SPOCK3: variants seen among roughly 807,000 people sequenced by gnomAD.
SPOCK3 encodes SPARC (osteonectin), cwcv and kazal like domains proteoglycan 3, also known as testican-3.
A neutral mutation model predicts 56.6 loss-of-function variants in SPOCK3; 30 were observed. The ratio of observed to expected loss-of-function variants is 0.53; its 90% CI spans 0.40 to 0.72. SPOCK3 has a LOEUF of 0.72. Among genes scored for constraint, SPOCK3 ranks in the 30% least tolerant of loss-of-function variants. SPOCK3 has a pLI of 0.00. For synonymous variants in SPOCK3, 196 were observed against 183.3 expected (o/e 1.07, Z -0.56); for missense variants, 527 against 530.0 (o/e 0.99, Z 0.06).
chr4:166,850,417 G>T (rs1167783458), intron 6 of SPOCK3, among the ~76,000 whole-genome samples: 6 of 152,196 alleles, frequency 3.9e-5, no homozygotes, highest in Non-Finnish European at 8.8e-5. Flanking sequence ...TTCTGGATTT[G>T]GAAGGACTCT....
At chr4:167,025,739 C>CGT (rs770319551) in intron 3 of SPOCK3, among the ~76,000 whole-genome samples, 36 of 152,020 alleles carry the variant, frequency 2.4e-4, no homozygotes, top group Non-Finnish European at 4.4e-4. Context: ...ATCATTCTTA[C>CGT]ATTTTAAAAA....
At chr4:167,031,880 A>C (rs2150182561) in intron 3 of SPOCK3, among the ~76,000 whole-genome samples, 1 of 152,104 alleles carries the variant, frequency 6.6e-6, no homozygotes, top group Non-Finnish European at 1.5e-5. Flanking sequence ...TCAGTTCTTT[A>C]GGGTTTTGTA....
At chr4:166,921,801 CTA>C (rs1244781097) in intron 4 of SPOCK3, among the ~76,000 whole-genome samples, 1 of 152,174 alleles carries the variant, frequency 6.6e-6, no homozygotes, top group Non-Finnish European at 1.5e-5. Flanking sequence ...CATAAATGTT[CTA>C]TGAACTGAAT....
chr4:166,931,759 A>G (rs1382818410), intron 4 of SPOCK3, among the ~76,000 whole-genome samples: 1 of 152,102 alleles, frequency 6.6e-6, no homozygotes, highest in African/African-American at 2.4e-5. Flanking sequence ...TCTAATTCTG[A>G]TTTTAGGACA....
intron 2 of SPOCK3, among the ~76,000 whole-genome samples, chr4:167,168,989 C>G (rs1330764709): frequency 6.6e-6 from 1 of 152,184 alleles, no homozygotes; most frequent in African/African-American, 2.4e-5. Flanking sequence ...AGCCCCAAGC[C>G]TTGGCAGCTT....
chr4:166,791,880 A>G (rs927041754), intron 7 of SPOCK3, among the ~76,000 whole-genome samples: 1 of 151,978 alleles, frequency 6.6e-6, no homozygotes, highest in Admixed American at 6.6e-5. Flanking sequence ...ATGTTGTTCT[A>G]CTCTTTACCA....
At chr4:166,873,569 C>T (rs977531425) in intron 6 of SPOCK3, among the ~76,000 whole-genome samples, 1 of 152,008 alleles carries the variant, frequency 6.6e-6, no homozygotes, top group African/African-American at 2.4e-5. Context: ...AACTGCGGCA[C>T]AAATAAAGCC....
chr4:166,989,509 G>A (rs1001340659), intron 4 of SPOCK3, among the ~76,000 whole-genome samples: 7 of 152,014 alleles, frequency 4.6e-5, no homozygotes, highest in Non-Finnish European at 7.4e-5. Context: ...TGTCTTATGT[G>A]CTACAGCTTT....
At chr4:166,842,631 C>T (rs1236105888) in intron 6 of SPOCK3, among the ~76,000 whole-genome samples, 1 of 152,100 alleles carries the variant, frequency 6.6e-6, no homozygotes, top group African/African-American at 2.4e-5. Context: ...AAGTCCCCAC[C>T]AGAGTAGCTA....
At chr4:167,137,558 TTTTAA>T (rs1763224512) in intron 2 of SPOCK3, among the ~76,000 whole-genome samples, 1 of 151,956 alleles carries the variant, frequency 6.6e-6, no homozygotes, top group African/African-American at 2.4e-5. Flanking sequence ...TAAAATACAA[TTTTAA>T]TTTATCTCAG....
At position 167,062,718 on chromosome 4, in the gene SPOCK3, T is replaced by C. The variant is rs554966400; in HGVS notation, c.190-181A>G. The C allele has an allele frequency of 1.8e-5, 10 of 557,578 alleles. No individual in the cohort carries two copies. In the African/African-American group the frequency reaches 1.9e-4, roughly 11 times the overall value. 34.5% of individuals were successfully genotyped at this position (557,578 alleles called of 1,614,324 possible). A position where few individuals can be genotyped will look rare whatever the true frequency, so the allele number is the denominator to read the frequency against. Reference sequence around the variant, plus strand: ...TAAAAAAGAAACAAGAGAAAAAGAATAGTTATCAAAAAGGAACACACTGTT... The same window carrying C: ...TAAAAAAGAAACAAGAGAAAAAGAACAGTTATCAAAAAGGAACACACTGTT... On this transcript the variant is annotated intron_variant, in intron 2 of 10. Transcript: ENST00000357545.
At chr4:167,212,836 T>G (rs540732976) in intron 2 of SPOCK3, among the ~76,000 whole-genome samples, 1 of 152,316 alleles carries the variant, frequency 6.6e-6, no homozygotes, top group East Asian at 1.9e-4. Context: ...CACTAGAAAA[T>G]TATACTCTAG....
chr4:167,200,520 C>T (rs1008612616), intron 2 of SPOCK3, among the ~76,000 whole-genome samples: 1 of 151,854 alleles, frequency 6.6e-6, no homozygotes, highest in African/African-American at 2.4e-5. Context: ...ACAATTTTTT[C>T]GTACATTTCA....
chr4:166,911,527 A>ATGTTTT (rs1028476175), intron 5 of SPOCK3, among the ~76,000 whole-genome samples: 11 of 151,916 alleles, frequency 7.2e-5, no homozygotes, highest in Non-Finnish European at 4.4e-5. Flanking sequence ...ATGTATTAAT[A>ATGTTTT]TGTTTTTGTT....
At chr4:167,229,052 AAC>A (rs1736872884) in intron 2 of SPOCK3, among the ~76,000 whole-genome samples, 4 of 152,166 alleles carry the variant, frequency 2.6e-5, no homozygotes, top group Non-Finnish European at 5.9e-5. Flanking sequence ...CTATGTTCTC[AAC>A]TACAGTGAAA....
intron 3 of SPOCK3, among the ~76,000 whole-genome samples, chr4:167,009,719 A>G (rs1048441340): frequency 2.6e-5 from 4 of 152,126 alleles, no homozygotes; most frequent in African/African-American, 9.7e-5. Flanking sequence ...CAAATAATCC[A>G]ATCCACTCAA....
At chr4:166,852,530 TG>T (rs1382834841) in intron 6 of SPOCK3, among the ~76,000 whole-genome samples, 3 of 152,168 alleles carry the variant, frequency 2.0e-5, no homozygotes, top group Non-Finnish European at 4.4e-5. Context: ...TGCTCTACTG[TG>T]GTTTCCATAA....
intron 2 of SPOCK3, among the ~76,000 whole-genome samples, chr4:167,103,132 C>T (rs1340306160): frequency 6.6e-6 from 1 of 151,900 alleles, no homozygotes; most frequent in Non-Finnish European, 1.5e-5. Context: ...AGGGAAGGAC[C>T]TAGTCCTGGA....
At chr4:167,211,717 G>A (rs1017590961) in intron 2 of SPOCK3, among the ~76,000 whole-genome samples, 61 of 152,076 alleles carry the variant, frequency 4.0e-4, no homozygotes, top group African/African-American at 1.4e-3. Flanking sequence ...GGAACTCTAA[G>A]TTCATTAAAC....
Sources: allele counts gnomAD v4.1 joint callset (sites outside exome capture counted in the v4.1 genomes callset), GRCh38; gene constraint gnomAD v4.1.1; transcripts MANE v1.5; gene names NCBI Gene and HGNC (gene_info 2026-07-23, HGNC 2026-07-21).